The following TRPC6 variants were observed in gnomAD, a reference collection of about 807,000 sequenced individuals.
TRPC6 encodes the protein short transient receptor potential channel 6.
TRPC6 carries 55 observed loss-of-function variants against 90.7 expected under a neutral mutation model. The observed-to-expected ratio is 0.61, with a 90% CI of 0.49 to 0.76. The LOEUF (loss-of-function observed/expected upper bound fraction) is 0.76, where lower values mean the gene tolerates loss of function less well. TRPC6 is among the 30% of genes least tolerant of loss of function. The probability of loss-of-function intolerance (pLI) is 0.00; values close to 1 mark genes in which losing one functional copy is unlikely to be tolerated. For missense variants in TRPC6, 989 were observed against 1,122.7 expected, an observed-to-expected ratio of 0.88 and a Z score of 1.70; for synonymous variants, 393 against 393.0, an observed-to-expected ratio of 1.00 and a Z score of 0.00.
chr11:101,472,424 C>A, intron 7 of TRPC6, 92 bp from the exon 8 acceptor site: 1 of 1,241,090 alleles, frequency 8.1e-7, no homozygotes, highest in Non-Finnish European at 1.1e-6. Flanking sequence ...TTAGTGTCTG[C>A]AAATTAGTGA....
intron 1 of TRPC6, among the ~76,000 whole-genome samples, chr11:101,505,737 G>A (rs145877361): frequency 0.011 from 1,676 of 152,238 alleles, 26 homozygotes; most frequent in African/African-American, 0.037. Context: ...AAAGTGAGCC[G>A]GGTGCTATGG....
At chr11:101,509,133 T>A (rs1275380614) in intron 1 of TRPC6, among the ~76,000 whole-genome samples, 1 of 137,984 alleles carries the variant, frequency 7.2e-6, no homozygotes, top group Non-Finnish European at 1.6e-5. Flanking sequence ...GTTTTGTCTT[T>A]TTCTTTTTTT....
intron 5 of TRPC6, among the ~76,000 whole-genome samples, chr11:101,477,051 G>C (rs200172490): frequency 1.3e-5 from 2 of 152,006 alleles, no homozygotes; most frequent in Admixed American, 1.3e-4. Flanking sequence ...GTCCAAGGCC[G>C]TGTCTCCCCC....
chr11:101,544,878 T>TAAA (rs145301424), intron 1 of TRPC6, among the ~76,000 whole-genome samples: 88 of 151,446 alleles, frequency 5.8e-4, no homozygotes, highest in South Asian at 1.7e-3. Flanking sequence ...TAAAGTATAA[T>TAAA]TAAAAAAAAT....
chr11:101,455,159 T>A, intron 10 of TRPC6, 58 bp from the exon 11 acceptor site: 1 of 1,354,236 alleles, frequency 7.4e-7, no homozygotes, highest in Non-Finnish European at 1.1e-6. Flanking sequence ...TTAAATAAAG[T>A]AGTGAGATTA....
chr11:101,473,432 G>T, intron 7 of TRPC6, 77 bp downstream of exon 7: 1 of 1,522,320 alleles, frequency 6.6e-7, no homozygotes, highest in South Asian at 1.1e-5. Context: ...ATTATCCCAT[G>T]GACTTACATA....
intron 1 of TRPC6, among the ~76,000 whole-genome samples, chr11:101,534,927 C>A (rs1384088159): frequency 6.6e-6 from 1 of 152,068 alleles, no homozygotes; most frequent in Non-Finnish European, 1.5e-5. Flanking sequence ...CTTTGGGAGG[C>A]CCAGTGAGCA....
At chr11:101,459,467 A>G (rs1404057088) in intron 10 of TRPC6, among the ~76,000 whole-genome samples, 3 of 152,222 alleles carry the variant, frequency 2.0e-5, no homozygotes, top group African/African-American at 7.2e-5. Context: ...GAGGTCAGAC[A>G]TCACAGGTTT....
chr11:101,457,096 T>C (rs928457726), intron 10 of TRPC6, among the ~76,000 whole-genome samples: 3 of 152,132 alleles, frequency 2.0e-5, no homozygotes, highest in Non-Finnish European at 4.4e-5. Flanking sequence ...GAAAATTCAA[T>C]TTGAAAATTG....
At chr11:101,510,206 A>C (rs561434717) in intron 1 of TRPC6, among the ~76,000 whole-genome samples, 1 of 152,162 alleles carries the variant, frequency 6.6e-6, no homozygotes, top group Non-Finnish European at 1.5e-5. Flanking sequence ...CTCCTATGCA[A>C]AAGCAAAATG....
chr11:101,566,949 T>C (rs1370984654), intron 1 of TRPC6, among the ~76,000 whole-genome samples: 1 of 151,666 alleles, frequency 6.6e-6, no homozygotes, highest in Non-Finnish European at 1.5e-5. Context: ...GGGTGGCCCT[T>C]GGAGCAGACA....
chr11:101,540,658 T>C (rs1353703966), intron 1 of TRPC6, among the ~76,000 whole-genome samples: 3 of 152,216 alleles, frequency 2.0e-5, no homozygotes, highest in African/African-American at 7.2e-5. Context: ...AACTTAATAT[T>C]AAAAATAATT....
At chr11:101,521,533 G>A (rs1307820502) in intron 1 of TRPC6, among the ~76,000 whole-genome samples, 1 of 152,234 alleles carries the variant, frequency 6.6e-6, no homozygotes, top group Non-Finnish European at 1.5e-5. Context: ...GAAATGTGAG[G>A]TTGGAGCCCC....
chr11:101,550,888 T>C (rs1185470293), intron 1 of TRPC6, among the ~76,000 whole-genome samples: 2 of 151,838 alleles, frequency 1.3e-5, no homozygotes, highest in African/African-American at 4.8e-5. Context: ...CCTAATATCA[T>C]TGTGATATAA....
At chr11:101,494,971 G>A (rs10791477) in intron 2 of TRPC6, among the ~76,000 whole-genome samples, 63,881 of 152,018 alleles carry the variant, frequency 0.42, 14,299 homozygotes, top group African/African-American at 0.59. Flanking sequence ...ACTGACATGT[G>A]AACTCACTCA....
At chr11:101,540,404 G>A (rs183390270) in intron 1 of TRPC6, among the ~76,000 whole-genome samples, 351 of 152,294 alleles carry the variant, frequency 2.3e-3, no homozygotes, top group African/African-American at 8.1e-3. Flanking sequence ...AGACATGGAG[G>A]AAAAGAACAA....
rs562282848 is a variant in TRPC6 at position 101,460,917 on chromosome 11, C to T, written c.2485-5816G>A. On this transcript the variant is annotated intron_variant, in intron 10 of 12. Transcript: ENST00000344327. ...GACTAATAATTCATAACCTCTTATC[C>T]GTAAGAAAACATAATGGGCCATATT... 4.6e-5 allele frequency among the ~76,000 whole-genome samples: 7 copies of T among 152,202 alleles called. No individual in the cohort carries two copies. In the East Asian group the frequency reaches 9.6e-4, roughly 21 times the overall value.
chr11:101,500,019 G>T (rs150485403), intron 2 of TRPC6, among the ~76,000 whole-genome samples: 1 of 78,336 alleles, frequency 1.3e-5, no homozygotes. Flanking sequence ...ATATATATAC[G>T]CAATATAAAA....
intron 1 of TRPC6, among the ~76,000 whole-genome samples, chr11:101,562,543 G>A (rs1861737565): frequency 6.6e-6 from 1 of 152,078 alleles, no homozygotes; most frequent in South Asian, 2.1e-4. Context: ...TGTAGAACCA[G>A]TGATTTAAAT....
Sources: gnomAD v4.1 joint callset for allele counts (sites outside exome capture counted in the v4.1 genomes callset) on GRCh38, gnomAD v4.1.1 for gene constraint, MANE v1.5 for transcripts, NCBI Gene and HGNC (gene_info 2026-07-23, HGNC 2026-07-21) for gene names.